Variants in PTPN1 observed in about 807,000 individuals in gnomAD.
PTPN1 encodes protein tyrosine phosphatase non-receptor type 1.
In PTPN1, 12 loss-of-function variants were observed where a neutral mutation model predicts 59.9. The observed-to-expected ratio is 0.20, with a 90% CI of 0.13 to 0.32. The LOEUF (loss-of-function observed/expected upper bound fraction) is 0.32, where lower values mean the gene tolerates loss of function less well. Ranked by LOEUF, PTPN1 falls within the 10% of genes least tolerant of loss-of-function variation. PTPN1 has a pLI of 1.00. For synonymous variants in PTPN1, 178 were observed against 203.6 expected (o/e 0.87, Z 1.07); for missense variants, 356 against 549.2 (o/e 0.65, Z 3.52).
At chr20:50,539,303 T>C (rs1410731091) in intron 1 of PTPN1, among the ~76,000 whole-genome samples, 3 of 152,190 alleles carry the variant, frequency 2.0e-5, no homozygotes, top group African/African-American at 7.2e-5. Flanking sequence ...TCCAAAGTGC[T>C]GGGATTCCAG....
chr20:50,579,281 G>A lies in PTPN1; in HGVS notation c.816G>A (p.Leu272=), dbSNP rs1427911915. The stretch of plus-strand genomic sequence containing the variant: ...CCGACCAGCTGCGCTTCTCCTACCT[G>A]GCTGTGATCGAAGGTGCCAAATTCA... ...QTADQLRFSY[L]AVIEGAKFIM... is the part of the protein sequence containing the mutation. The change falls in exon 7 of 10, where the codon CTG becomes CTA. Residue 272 remains leucine (L), a synonymous_variant. Transcript: ENST00000371621. 6.2e-7 allele frequency: 1 copy of A among 1,614,222 alleles called. No individual in the cohort carries two copies. The highest frequency in any genetic ancestry group is 2.2e-5 in the East Asian group (1 of 44,888).
intron 1 of PTPN1, among the ~76,000 whole-genome samples, chr20:50,527,542 A>G (rs2082582565): frequency 1.3e-5 from 2 of 151,916 alleles, no homozygotes; most frequent in African/African-American, 2.4e-5. Context: ...ATGGGGCTTC[A>G]CCATGTTGGC....
intron 1 of PTPN1, among the ~76,000 whole-genome samples, chr20:50,527,934 C>T (rs551931208): frequency 9.2e-5 from 14 of 152,192 alleles, no homozygotes; most frequent in Middle Eastern, 3.4e-3. Context: ...CCCTTTTGTT[C>T]TTTTTGAGCC....
intron 1 of PTPN1, among the ~76,000 whole-genome samples, chr20:50,534,985 C>CGGAACTCCTGCCTTCAGTT: frequency 6.6e-6 from 1 of 152,198 alleles, no homozygotes; most frequent in African/African-American, 2.4e-5. Flanking sequence ...TGCCTTCAGG[C>CGGAACTCCTGCCTTCAGTT]GGTCCTCCTG....
At chr20:50,561,841 G>C (rs1423403065) in intron 2 of PTPN1, among the ~76,000 whole-genome samples, 2 of 152,168 alleles carry the variant, frequency 1.3e-5, no homozygotes, top group African/African-American at 4.8e-5. Flanking sequence ...CCCCGCACAG[G>C]CATTCGGGGT....
chr20:50,551,462 A>C (rs907811015), intron 1 of PTPN1, among the ~76,000 whole-genome samples: 3 of 152,172 alleles, frequency 2.0e-5, no homozygotes, highest in Non-Finnish European at 4.4e-5. Context: ...CCTGATGCCT[A>C]TGTAAAATGA....
intron 1 of PTPN1, among the ~76,000 whole-genome samples, chr20:50,534,403 A>G (rs1323353606): frequency 2.0e-5 from 3 of 152,210 alleles, no homozygotes; most frequent in African/African-American, 7.2e-5. Context: ...ATTATTTTAA[A>G]ATATATTAGA....
chr20:50,555,784 T>C (rs1217533656), intron 1 of PTPN1, among the ~76,000 whole-genome samples: 1 of 151,980 alleles, frequency 6.6e-6, no homozygotes, highest in South Asian at 2.1e-4. Context: ...AAAAAGTACA[T>C]ATGCATAATC....
intron 2 of PTPN1, among the ~76,000 whole-genome samples, chr20:50,564,288 C>T (rs2082768560): frequency 6.6e-6 from 1 of 152,134 alleles, no homozygotes; most frequent in Non-Finnish European, 1.5e-5. Context: ...ACCATATTTT[C>T]TGCCCTCTAA....
chr20:50,541,742 G>A (rs573133906), intron 1 of PTPN1, among the ~76,000 whole-genome samples: 2 of 152,260 alleles, frequency 1.3e-5, no homozygotes, highest in South Asian at 2.1e-4. Context: ...CATTGCTGAG[G>A]TTTCCTTTGA....
At chr20:50,523,380 A>T (rs2082559681) in intron 1 of PTPN1, among the ~76,000 whole-genome samples, 1 of 152,216 alleles carries the variant, frequency 6.6e-6, no homozygotes, top group Non-Finnish European at 1.5e-5. Flanking sequence ...CCAAAAGGAC[A>T]AAACCAGCTC....
At chr20:50,561,800 G>A (rs895049642) in intron 2 of PTPN1, among the ~76,000 whole-genome samples, 1 of 152,172 alleles carries the variant, frequency 6.6e-6, no homozygotes, top group African/African-American at 2.4e-5. Flanking sequence ...GCGTCATTAG[G>A]GCATGAGCAC....
rs2082874127 is a variant in PTPN1, at chr20:50,582,556, G to A, written c.1285-136G>A. ...TGATTTTTGGGGAGAGGGGGCTACT[G>A]TAAAAAATAAAACCAAAACCCCCTT... On this transcript the variant is annotated intron_variant, in intron 9 of 9. Transcript: ENST00000371621. The surrounding 1 kb of genome is among the most constrained non-coding windows in gnomAD (Gnocchi z 4.2). 1 of 886,226 alleles carries A rather than the reference G, an allele frequency of 1.1e-6. No individual in the cohort carries two copies. The highest frequency in any genetic ancestry group is 1.7e-5 in the South Asian group (1 of 57,610). The allele number at this position is 886,226 out of a possible 1,614,324, so 54.9% of individuals were successfully genotyped here. A position where few individuals can be genotyped will look rare whatever the true frequency, so the allele number is the denominator to read the frequency against.
intron 5 of PTPN1, among the ~76,000 whole-genome samples, chr20:50,576,036 T>C (rs2082835159): frequency 6.6e-6 from 1 of 152,192 alleles, no homozygotes; most frequent in African/African-American, 2.4e-5. Flanking sequence ...ATGGTAGCAG[T>C]GCAGCTGATG....
rs781502713 is a variant in PTPN1 at position 50,581,480 on chromosome 20, C to A, written c.1284+20C>A. 18 of 1,584,296 alleles carry A rather than the reference C, an allele frequency of 1.1e-5. No homozygotes were observed. Among genetic ancestry groups the A allele is most frequent in the Non-Finnish European group, 1.6e-5 (18 of 1,157,194 alleles). ...TACAGGGTATGTTTCCACTGACAGA[C>A]GCGCTGGCGAGATGCTCGTGTGCAG... On this transcript the variant is annotated intron_variant, in intron 9 of 9. Transcript: ENST00000371621.
Position 50,582,700 on chromosome 20 carries a change from C to T in PTPN1, c.1293C>T (p.Phe431=). Reference sequence around the variant, plus strand: ...GTTTGGTTTCATTCCAGTTCCTGTTCAACAGCAACACATAGCCTGACCCTC... The same window carrying T: ...GTTTGGTTTCATTCCAGTTCCTGTTTAACAGCAACACATAGCCTGACCCTC... The part of the protein sequence containing the change: ...AGAYLCYRFL[F]NSNT The change falls in exon 10 of 10, where the codon TTC becomes TTT. Residue 431 remains phenylalanine, a synonymous_variant. Transcript: ENST00000371621. This position sits in a 1 kb window ranked among gnomAD's most constrained non-coding sequence, Gnocchi z 4.2. 1 of 1,613,844 alleles carries T rather than the reference C, an allele frequency of 6.2e-7. No homozygotes were observed. Among genetic ancestry groups the T allele is most frequent in the Non-Finnish European group, 8.5e-7 (1 of 1,179,906 alleles).
chr20:50,512,341 G>T (rs2082511113), intron 1 of PTPN1, among the ~76,000 whole-genome samples: 1 of 152,306 alleles, frequency 6.6e-6, no homozygotes, highest in African/African-American at 2.4e-5. Flanking sequence ...CACTGAAATT[G>T]ACTGAGTTGA....
At chr20:50,527,436 C>T (rs1027068982) in intron 1 of PTPN1, among the ~76,000 whole-genome samples, 24 of 152,132 alleles carry the variant, frequency 1.6e-4, no homozygotes, top group Non-Finnish European at 2.8e-4. Flanking sequence ...CTCTGCCTCC[C>T]GGCTTCAGGC....
At chr20:50,532,035 GT>G (rs1428403227) in intron 1 of PTPN1, among the ~76,000 whole-genome samples, 22 of 152,292 alleles carry the variant, frequency 1.4e-4, no homozygotes, top group Admixed American at 1.1e-3. Context: ...GCGTCTTCTG[GT>G]ATGGAATCTG....
Sources: allele counts gnomAD v4.1 joint callset (sites outside exome capture counted in the v4.1 genomes callset), GRCh38; gene constraint gnomAD v4.1.1; non-coding constraint Gnocchi (gnomAD v3.1); transcripts MANE v1.5; gene names NCBI Gene and HGNC (gene_info 2026-07-23, HGNC 2026-07-21).